The following NXPH1 variants were observed in gnomAD, a reference collection of about 807,000 sequenced individuals.
The protein encoded by NXPH1 is neurexophilin 1.
A neutral mutation model predicts 23.7 loss-of-function variants in NXPH1; 5 were observed. That is an observed-to-expected ratio of 0.21 (90% CI 0.11 to 0.44). The LOEUF (loss-of-function observed/expected upper bound fraction) is 0.44, where lower values mean the gene tolerates loss of function less well. Ranked by LOEUF, NXPH1 falls within the 20% of genes least tolerant of loss-of-function variation. The probability of loss-of-function intolerance (pLI) is 0.99; values close to 1 mark genes in which losing one functional copy is unlikely to be tolerated. For synonymous variants in NXPH1, 144 were observed against 122.2 expected (o/e 1.18, Z -1.18); for missense variants, 324 against 321.6 (o/e 1.01, Z -0.06).
At chr7:8,627,975 A>G (rs1820029978) in intron 2 of NXPH1, among the ~76,000 whole-genome samples, 1 of 152,148 alleles carries the variant, frequency 6.6e-6, no homozygotes. Flanking sequence ...AGAGAAGGAC[A>G]AGGAAGAAGT....
intron 2 of NXPH1, among the ~76,000 whole-genome samples, chr7:8,637,392 T>A (rs1337562154): frequency 1.3e-5 from 2 of 152,038 alleles, no homozygotes; most frequent in African/African-American, 4.8e-5. Context: ...CTGGCTAATT[T>A]AAAAAAGTAT....
At chr7:8,732,987 C>T (rs180978041) in intron 2 of NXPH1, among the ~76,000 whole-genome samples, 14 of 152,270 alleles carry the variant, frequency 9.2e-5, no homozygotes, top group African/African-American at 3.1e-4. Flanking sequence ...ATCAACCCAT[C>T]ATCTACATTA....
At chr7:8,460,641 A>AAT (rs1439013169) in intron 2 of NXPH1, among the ~76,000 whole-genome samples, 11 of 152,316 alleles carry the variant, frequency 7.2e-5, no homozygotes, top group Non-Finnish European at 1.2e-4. Flanking sequence ...GATGAGTAGA[A>AAT]AGTTAGGGGA....
chr7:8,473,465 C>T (rs551284263), intron 2 of NXPH1, among the ~76,000 whole-genome samples: 1 of 152,250 alleles, frequency 6.6e-6, no homozygotes, highest in East Asian at 1.9e-4. Context: ...CCCCTGCCAT[C>T]TAAAACTGGC....
At chr7:8,586,009 T>C (rs1818972654) in intron 2 of NXPH1, among the ~76,000 whole-genome samples, 1 of 152,178 alleles carries the variant, frequency 6.6e-6, no homozygotes, top group African/African-American at 2.4e-5. Context: ...GGAACAGACA[T>C]CGACCCTTTT....
intron 2 of NXPH1, among the ~76,000 whole-genome samples, chr7:8,710,508 C>G (rs1310557413): frequency 1.3e-5 from 2 of 152,110 alleles, no homozygotes; most frequent in Non-Finnish European, 2.9e-5. Flanking sequence ...GCCTTGAGTA[C>G]TTTTTCAGGA....
At chr7:8,636,379 C>A (rs534083220) in intron 2 of NXPH1, among the ~76,000 whole-genome samples, 2 of 152,174 alleles carry the variant, frequency 1.3e-5, no homozygotes, top group East Asian at 1.9e-4. Context: ...CAAAAGTGTT[C>A]ATCAGTCAGC....
chr7:8,609,601 G>C (rs1819573562), intron 2 of NXPH1, among the ~76,000 whole-genome samples: 1 of 152,284 alleles, frequency 6.6e-6, no homozygotes, highest in East Asian at 1.9e-4. Context: ...ATTGATGACT[G>C]TTTGAGGGCA....
chr7:8,544,255 C>T (rs946562067), intron 2 of NXPH1, among the ~76,000 whole-genome samples: 6 of 151,512 alleles, frequency 4.0e-5, no homozygotes, highest in African/African-American at 1.5e-4. Context: ...AGATTCAATA[C>T]TTCTTTGTTT....
chr7:8,505,950 T>A (rs1406287541), intron 2 of NXPH1, among the ~76,000 whole-genome samples: 1 of 152,080 alleles, frequency 6.6e-6, no homozygotes, highest in Non-Finnish European at 1.5e-5. Context: ...CCTGCATTTT[T>A]ATAGTGTCCA....
chr7:8,624,987 T>G, intron 2 of NXPH1, among the ~76,000 whole-genome samples: 1 of 152,162 alleles, frequency 6.6e-6, no homozygotes, highest in East Asian at 1.9e-4. Flanking sequence ...CCAACATTTC[T>G]TAAAGCACTC....
chr7:8,719,441 C>A (rs1004101131), intron 2 of NXPH1, among the ~76,000 whole-genome samples: 1 of 150,730 alleles, frequency 6.6e-6, no homozygotes, highest in Non-Finnish European at 1.5e-5. Flanking sequence ...GATAGTACAA[C>A]CCTAGTGGGG....
intron 2 of NXPH1, among the ~76,000 whole-genome samples, chr7:8,542,034 A>G (rs1818125807): frequency 6.6e-6 from 1 of 151,546 alleles, no homozygotes; most frequent in African/African-American, 2.4e-5. Flanking sequence ...AATAGCCTAA[A>G]TATTTTAATG....
intron 2 of NXPH1, among the ~76,000 whole-genome samples, chr7:8,468,038 G>A (rs1195467675): frequency 6.6e-6 from 1 of 152,064 alleles, no homozygotes; most frequent in Non-Finnish European, 1.5e-5. Flanking sequence ...AAAAATTTGT[G>A]ATCCATCCAT....
intron 2 of NXPH1, among the ~76,000 whole-genome samples, chr7:8,444,348 G>A (rs1816360376): frequency 6.6e-6 from 1 of 152,148 alleles, no homozygotes; most frequent in Admixed American, 6.5e-5. Flanking sequence ...GCAACGCCTC[G>A]GAGGTATTCT....
rs2115187775 is a variant in NXPH1, at chr7:8,697,900, G to T, written c.55-53108G>T. Among the ~76,000 whole-genome samples, 2 of 152,300 alleles carry T rather than the reference G, an allele frequency of 1.3e-5. 1 individual carries two copies. Among genetic ancestry groups the T allele is most frequent in the South Asian group, 4.1e-4 (2 of 4,832 alleles). On this transcript the variant is annotated intron_variant, in intron 2 of 2. Transcript: ENST00000405863. The stretch of plus-strand genomic sequence containing the variant: ...ACACACTGGTAGAACAGAGATCACA[G>T]AGATGACTCCTATAGGCAGGATCAT...
chr7:8,436,256 T>G (rs1394294250), intron 2 of NXPH1, among the ~76,000 whole-genome samples: 2 of 152,206 alleles, frequency 1.3e-5, no homozygotes, highest in Non-Finnish European at 2.9e-5. Context: ...TAACTTTCTT[T>G]GACTTGTAAG....
chr7:8,466,480 A>G (rs1411501053), intron 2 of NXPH1, among the ~76,000 whole-genome samples: 2 of 152,210 alleles, frequency 1.3e-5, no homozygotes, highest in Non-Finnish European at 2.9e-5. Context: ...AGAAAAATGT[A>G]GACATTTTTG....
At chr7:8,568,029 G>C (rs890906357) in intron 2 of NXPH1, among the ~76,000 whole-genome samples, 4 of 151,802 alleles carry the variant, frequency 2.6e-5, no homozygotes, top group African/African-American at 2.4e-5. Flanking sequence ...TGCAGGGCGA[G>C]TCTTTTTTCA....
Sources: allele counts gnomAD v4.1 joint callset (sites outside exome capture counted in the v4.1 genomes callset), GRCh38; gene constraint gnomAD v4.1.1; transcripts MANE v1.5; gene names NCBI Gene and HGNC (gene_info 2026-07-23, HGNC 2026-07-21).